Variants in NPFFR2 observed in about 807,000 individuals in gnomAD.
The protein encoded by NPFFR2 is G-protein coupled receptor 74.
A neutral mutation model predicts 13.1 loss-of-function variants in NPFFR2; 15 were observed. The observed-to-expected ratio is 1.15, with a 90% CI of 0.77 to 1.76. The LOEUF is 1.76. NPFFR2 is among the 40% of genes most tolerant of loss of function. The pLI is 0.00. For missense variants in NPFFR2, 572 were observed against 503.5 expected, an observed-to-expected ratio of 1.14 and a Z score of -1.30; for synonymous variants, 190 against 175.7, an observed-to-expected ratio of 1.08 and a Z score of -0.65.
intron 2 of NPFFR2, among the ~76,000 whole-genome samples, chr4:72,129,209 A>C (rs577436794): frequency 1.3e-5 from 2 of 152,266 alleles, no homozygotes; most frequent in Non-Finnish European, 2.9e-5. Context: ...TCATGAGAAA[A>C]TAAGATTTAT....
rs371623619 is a variant in NPFFR2, at chr4:72,102,866, T to G, written c.-7-25719T>G. On this transcript the variant is annotated intron_variant, in intron 1 of 3. Transcript: ENST00000308744. Reference sequence around the variant, plus strand: ...TTTGTCTTTATAGCAGCATGATTTATAATCCTTTGGGTATATACCCAGTAA... The same window carrying G: ...TTTGTCTTTATAGCAGCATGATTTAGAATCCTTTGGGTATATACCCAGTAA... Among the ~76,000 whole-genome samples, 586 of 152,034 alleles carry G rather than the reference T, an allele frequency of 3.9e-3. 3 individuals are homozygous for G. The highest frequency in any genetic ancestry group is 0.014 in the African/African-American group (561 of 41,364).
At chr4:72,139,850 G>A (rs979169056) in intron 3 of NPFFR2, among the ~76,000 whole-genome samples, 3 of 152,184 alleles carry the variant, frequency 2.0e-5, no homozygotes, top group African/African-American at 7.2e-5. Context: ...ACCTTGGGCA[G>A]TATGGTCATT....
chr4:72,040,166 T>A (rs373183292), intron 1 of NPFFR2, among the ~76,000 whole-genome samples: 1 of 152,212 alleles, frequency 6.6e-6, no homozygotes, highest in East Asian at 1.9e-4. Flanking sequence ...AATATTTGTA[T>A]AGACAATATA....
At chr4:72,096,829 A>G (rs1271866724) in intron 1 of NPFFR2, among the ~76,000 whole-genome samples, 11 of 152,088 alleles carry the variant, frequency 7.2e-5, no homozygotes, top group African/African-American at 2.4e-4. Flanking sequence ...CTAAAATATC[A>G]TAAGTCAAAA....
intron 1 of NPFFR2, among the ~76,000 whole-genome samples, chr4:72,080,919 C>T (rs971758066): frequency 6.8e-6 from 1 of 146,840 alleles, no homozygotes; most frequent in Non-Finnish European, 1.5e-5. Context: ...TCCAAGCCTG[C>T]CCCCAGTTGC....
chr4:72,058,697 A>G (rs4264802), intron 1 of NPFFR2, among the ~76,000 whole-genome samples: 135,562 of 152,036 alleles, frequency 0.89, 61,542 homozygotes, highest in Non-Finnish European at 0.98. Context: ...TTCATCTAAC[A>G]TGGATTTTTT....
At chr4:72,074,664 C>A (rs1720373316) in intron 1 of NPFFR2, among the ~76,000 whole-genome samples, 1 of 151,926 alleles carries the variant, frequency 6.6e-6, no homozygotes, top group South Asian at 2.1e-4. Context: ...AGAAATAAGA[C>A]CCTACTACTT....
chr4:72,102,878 T>G (rs370454865), intron 1 of NPFFR2, among the ~76,000 whole-genome samples: 5 of 152,186 alleles, frequency 3.3e-5, no homozygotes, highest in African/African-American at 9.6e-5. Context: ...ATCCTTTGGG[T>G]ATATACCCAG....
chr4:72,048,012 C>G (rs1719425528), intron 1 of NPFFR2, among the ~76,000 whole-genome samples: 1 of 152,014 alleles, frequency 6.6e-6, no homozygotes, highest in African/African-American at 2.4e-5. Flanking sequence ...AGGGAGATGG[C>G]TAACTTCGTA....
chr4:72,059,655 G>A (rs1347192006), intron 1 of NPFFR2, among the ~76,000 whole-genome samples: 2 of 151,990 alleles, frequency 1.3e-5, no homozygotes, highest in African/African-American at 2.4e-5. Context: ...TTGGCCCTTC[G>A]TATTCTTATA....
At chr4:72,062,011 G>A (rs1267132625) in intron 1 of NPFFR2, among the ~76,000 whole-genome samples, 11 of 151,374 alleles carry the variant, frequency 7.3e-5, no homozygotes, top group African/African-American at 2.7e-4. Flanking sequence ...TGTAGAAAAT[G>A]GTTTTGCAAA....
chr4:72,132,616 C>T lies in NPFFR2; in HGVS notation c.328+3697C>T, dbSNP rs182737197. 4.6e-5 allele frequency among the ~76,000 whole-genome samples: 7 copies of T among 152,324 alleles called. No homozygotes were observed. The East Asian group carries it at 1.4e-3, about 29-fold the overall frequency. On this transcript the variant is annotated intron_variant, in intron 2 of 3. Transcript: ENST00000308744. Reference sequence around the variant, plus strand: ...TTGAACTCATTTACATTTGCACCAACAGTGTGAAAGTGTTTATTTTTCTCC... The same window carrying T: ...TTGAACTCATTTACATTTGCACCAATAGTGTGAAAGTGTTTATTTTTCTCC...
chr4:72,072,659 A>C (rs1720294182), intron 1 of NPFFR2, among the ~76,000 whole-genome samples: 1 of 152,184 alleles, frequency 6.6e-6, no homozygotes, highest in Non-Finnish European at 1.5e-5. Flanking sequence ...TATTTGAAGA[A>C]ATCATGGCTG....
chr4:72,127,853 G>A (rs913720605), intron 1 of NPFFR2, among the ~76,000 whole-genome samples: 33 of 151,912 alleles, frequency 2.2e-4, no homozygotes, highest in Non-Finnish European at 4.3e-4. Flanking sequence ...GCTAAGGTGG[G>A]TGGATCACTC....
intron 1 of NPFFR2, among the ~76,000 whole-genome samples, chr4:72,127,458 G>A (rs1321168268): frequency 7.4e-6 from 1 of 135,444 alleles, no homozygotes; most frequent in Admixed American, 7.3e-5. Context: ...CCGCCTCCCG[G>A]GTTCACGCCA....
In NPFFR2 at chr4:72,140,364, TG is replaced by T. The variant is rs536710574; in HGVS notation, c.428+2226del. Among the ~76,000 whole-genome samples, 117 of 152,352 alleles carry T rather than the reference TG, an allele frequency of 7.7e-4. 1 individual carries two copies. The highest frequency in any genetic ancestry group is 2.8e-3 in the African/African-American group (115 of 41,596). ...TTTCAAAGGGAATGCTTTCAGTTTTTGCCCATTCAGTATAATGTTGGCTGTG... is the reference window on the plus strand; with the variant it reads ...TTTCAAAGGGAATGCTTTCAGTTTTTCCCATTCAGTATAATGTTGGCTGTG... On this transcript the variant is annotated intron_variant, in intron 3 of 3. Transcript: ENST00000308744.
chr4:72,040,927 A>AATAAATAT (rs1553887464), intron 1 of NPFFR2, among the ~76,000 whole-genome samples: 1 of 146,768 alleles, frequency 6.8e-6, no homozygotes, highest in Non-Finnish European at 1.5e-5. Flanking sequence ...ACTGCTGTAA[A>AATAAATAT]ATATATATAT....
At chr4:72,121,615 G>T (rs1363155160) in intron 1 of NPFFR2, among the ~76,000 whole-genome samples, 1 of 152,166 alleles carries the variant, frequency 6.6e-6, no homozygotes, top group Admixed American at 6.6e-5. Flanking sequence ...TTAAAGAAAA[G>T]AATTTTCAAC....
chr4:72,137,784 T>C (rs761217942), intron 2 of NPFFR2, among the ~76,000 whole-genome samples: 4 of 152,188 alleles, frequency 2.6e-5, no homozygotes, highest in Non-Finnish European at 5.9e-5. Context: ...TTGTGAGGAT[T>C]AGATATGTTA....
Sources: gnomAD v4.1 joint callset for allele counts (sites outside exome capture counted in the v4.1 genomes callset) on GRCh38, gnomAD v4.1.1 for gene constraint, MANE v1.5 for transcripts, NCBI Gene and HGNC (gene_info 2026-07-23, HGNC 2026-07-21) for gene names.